The following GRIK4 variants were observed in gnomAD, a reference collection of about 807,000 sequenced individuals.
GRIK4 encodes glutamate ionotropic receptor kainate type subunit 4, also known as glutamate receptor ionotropic, kainate 4.
A neutral mutation model predicts 104.9 loss-of-function variants in GRIK4; 40 were observed. The observed-to-expected ratio is 0.38, with a 90% CI of 0.30 to 0.50. The LOEUF is 0.50. GRIK4 is among the 20% of genes least tolerant of loss of function. The probability of loss-of-function intolerance (pLI) is 0.93; values close to 1 mark genes in which losing one functional copy is unlikely to be tolerated. For missense variants in GRIK4, 1,047 were observed against 1,308.1 expected, an observed-to-expected ratio of 0.80 and a Z score of 3.08; for synonymous variants, 485 against 524.9, an observed-to-expected ratio of 0.92 and a Z score of 1.04.
At chr11:120,809,032 G>C (rs1305451909) in intron 4 of GRIK4, among the ~76,000 whole-genome samples, 2 of 152,168 alleles carry the variant, frequency 1.3e-5, no homozygotes, top group African/African-American at 4.8e-5. Context: ...GCTACAGTCA[G>C]TGGCACTTAC....
intron 9 of GRIK4, chr11:120,871,358 G>A: frequency 3.1e-6 from 1 of 327,276 alleles, no homozygotes. Flanking sequence ...ACGGTTGTAG[G>A]CTTGCAAAGG....
intron 11 of GRIK4, among the ~76,000 whole-genome samples, chr11:120,885,140 A>G (rs1834308636): frequency 6.6e-6 from 1 of 152,262 alleles, no homozygotes; most frequent in African/African-American, 2.4e-5. Context: ...AATCTCCAGC[A>G]TGCCTGAGCT....
intron 6 of GRIK4, among the ~76,000 whole-genome samples, chr11:120,826,916 A>G (rs781149696): frequency 2.0e-5 from 3 of 152,176 alleles, no homozygotes; most frequent in Non-Finnish European, 4.4e-5. Context: ...CGCTCCATGG[A>G]ACAGGTCCGA....
intron 2 of GRIK4, among the ~76,000 whole-genome samples, chr11:120,654,822 G>A (rs1257545703): frequency 3.9e-5 from 6 of 152,194 alleles, no homozygotes; most frequent in Non-Finnish European, 1.5e-5. Flanking sequence ...TGTGCAGCTA[G>A]TACATGGCAG....
intron 3 of GRIK4, among the ~76,000 whole-genome samples, chr11:120,784,091 C>T (rs1024482838): frequency 2.0e-5 from 3 of 152,186 alleles, no homozygotes; most frequent in African/African-American, 7.2e-5. Context: ...GATATTAATA[C>T]ATATCTCTTC....
chr11:120,904,355 G>A (rs1942817650), intron 12 of GRIK4, among the ~76,000 whole-genome samples: 1 of 152,154 alleles, frequency 6.6e-6, no homozygotes, highest in South Asian at 2.1e-4. Context: ...AAGGCTCTGA[G>A]GACCCACACC....
At chr11:120,613,865 C>T (rs574083544) in intron 1 of GRIK4, among the ~76,000 whole-genome samples, 1 of 152,284 alleles carries the variant, frequency 6.6e-6, no homozygotes, top group South Asian at 2.1e-4. Context: ...TAAAAATTGT[C>T]CTGATAATCC....
chr11:120,560,142 G>A (rs957134745), intron 1 of GRIK4, among the ~76,000 whole-genome samples: 8 of 151,904 alleles, frequency 5.3e-5, no homozygotes, highest in Admixed American at 2.0e-4. Context: ...CTCCACCTCC[G>A]GGTTCAAGGG....
intron 1 of GRIK4, among the ~76,000 whole-genome samples, chr11:120,538,395 T>A (rs1565542686): frequency 6.6e-6 from 1 of 152,232 alleles, no homozygotes; most frequent in East Asian, 1.9e-4. Context: ...AGTGTCTGAT[T>A]CCCTCCCCAG....
chr11:120,725,951 T>C (rs1196257034), intron 3 of GRIK4, among the ~76,000 whole-genome samples: 5 of 152,160 alleles, frequency 3.3e-5, no homozygotes, highest in Non-Finnish European at 5.9e-5. Flanking sequence ...AATAAATGAA[T>C]AAGATAATTT....
At position 120,520,293 on chromosome 11, in the gene GRIK4, T is replaced by C. The variant is rs530500755; in HGVS notation, c.-159+8406T>C. Among the ~76,000 whole-genome samples the C allele has an allele frequency of 2.0e-5, 3 of 152,340 alleles. No homozygotes were observed. In the South Asian group the frequency reaches 6.2e-4, roughly 32 times the overall value. On this transcript the variant is annotated intron_variant, in intron 1 of 20. Coordinates refer to ENST00000527524, the MANE Select transcript of GRIK4 (RefSeq NM_014619.5). ...ACCCTCAAGCCCCAGTCCCAGCCCG[T>C]CCAGCCATCAGCAGGCGCGGAGAAT...
intron 16 of GRIK4, among the ~76,000 whole-genome samples, chr11:120,960,015 C>G (rs1339983977): frequency 6.6e-6 from 1 of 151,658 alleles, no homozygotes; most frequent in Admixed American, 6.6e-5. Flanking sequence ...GATGACAGAG[C>G]AAGACCCTGT....
intron 8 of GRIK4, among the ~76,000 whole-genome samples, chr11:120,843,121 G>A (rs1432403761): frequency 6.6e-6 from 1 of 152,278 alleles, no homozygotes; most frequent in African/African-American, 2.4e-5. Flanking sequence ...TGAAAGATGG[G>A]AAATAATTGG....
intron 1 of GRIK4, among the ~76,000 whole-genome samples, chr11:120,517,943 G>T (rs911886491): frequency 2.6e-5 from 4 of 152,182 alleles, no homozygotes; most frequent in African/African-American, 9.7e-5. Context: ...GTGAGAGGCT[G>T]ACTGCAAGGC....
intron 3 of GRIK4, among the ~76,000 whole-genome samples, chr11:120,795,236 AC>A (rs1952487143): frequency 6.6e-6 from 1 of 152,232 alleles, no homozygotes; most frequent in South Asian, 2.1e-4. Context: ...CTCTGGAAGA[AC>A]TGAGGGATTA....
intron 11 of GRIK4, among the ~76,000 whole-genome samples, chr11:120,876,377 C>A: frequency 1.4e-5 from 2 of 144,504 alleles, no homozygotes; most frequent in African/African-American, 2.6e-5. Context: ...CCACTACCAT[C>A]ACCACCACCA....
rs1948421423 is a variant in GRIK4, at chr11:120,573,034, G to C, written c.-159+61147G>C. 3.9e-5 allele frequency among the ~76,000 whole-genome samples: 6 copies of C among 152,242 alleles called. 1 individual carries two copies. The highest frequency in any genetic ancestry group is 3.9e-4 in the Admixed American group (6 of 15,298). ...AGTCTTTTATTGATCTAATACAGTT[G>C]TGTCTTTTAATTTGAGGTATTTAAA... is the stretch of plus-strand genomic sequence containing the variant. On this transcript the variant is annotated intron_variant, in intron 1 of 20. Coordinates refer to ENST00000527524, the MANE Select transcript of GRIK4 (RefSeq NM_014619.5).
chr11:120,787,847 CTT>C (rs1491147979), intron 3 of GRIK4, among the ~76,000 whole-genome samples: 15 of 55,600 alleles, frequency 2.7e-4, no homozygotes, highest in African/African-American at 9.6e-4. Context: ...TTTTTCTTTT[CTT>C]TTCTTTTTTT....
chr11:120,759,584 C>G (rs1399604562), intron 3 of GRIK4, among the ~76,000 whole-genome samples: 2 of 151,792 alleles, frequency 1.3e-5, no homozygotes, highest in Non-Finnish European at 2.9e-5. Context: ...TGGGGCCAAT[C>G]TGGCTCACTT....
Sources: gnomAD v4.1 joint callset for allele counts (sites outside exome capture counted in the v4.1 genomes callset) on GRCh38, gnomAD v4.1.1 for gene constraint, MANE v1.5 for transcripts, NCBI Gene and HGNC (gene_info 2026-07-23, HGNC 2026-07-21) for gene names.